The following ASIC2 variants were observed in gnomAD, a reference collection of about 807,000 sequenced individuals.
ASIC2 encodes the protein acid sensing ion channel subunit 2.
ASIC2 carries 25 observed loss-of-function variants against 57.3 expected under a neutral mutation model. The ratio of observed to expected loss-of-function variants is 0.44; its 90% CI spans 0.32 to 0.61. The LOEUF (loss-of-function observed/expected upper bound fraction) is 0.61, where lower values mean the gene tolerates loss of function less well. Among genes scored for constraint, ASIC2 ranks in the 20% least tolerant of loss-of-function variants. The pLI is 0.06. For missense variants in ASIC2, 641 were observed against 738.1 expected, an observed-to-expected ratio of 0.87 and a Z score of 1.52; for synonymous variants, 319 against 307.5, an observed-to-expected ratio of 1.04 and a Z score of -0.39.
chr17:33,603,952 TG>T (rs1905167710), intron 1 of ASIC2, among the ~76,000 whole-genome samples: 1 of 152,104 alleles, frequency 6.6e-6, no homozygotes, highest in Non-Finnish European at 1.5e-5. Context: ...GAGGGTCACG[TG>T]GGAGGTTTTC....
rs545478193 is a variant in ASIC2 at position 33,075,805 on chromosome 17, T to A, written c.987+13058A>T. 2.6e-5 allele frequency among the ~76,000 whole-genome samples: 4 copies of A among 152,230 alleles called. No homozygotes were observed. The East Asian group carries it at 7.7e-4, about 29-fold the overall frequency. On this transcript the variant is annotated intron_variant, in intron 3 of 9. Transcript: ENST00000225823. ...TCAGACACAGAACAAGCAAAAGGCA[T>A]GGAAGTGAAGGACCCATTGTCTTTA...
intron 1 of ASIC2, among the ~76,000 whole-genome samples, chr17:33,377,245 T>C (rs1909312492): frequency 6.6e-6 from 1 of 152,176 alleles, no homozygotes; most frequent in Non-Finnish European, 1.5e-5. Context: ...GAGATGGGGT[T>C]TCACCATGTT....
intron 1 of ASIC2, among the ~76,000 whole-genome samples, chr17:33,350,363 G>A (rs1406990236): frequency 6.6e-6 from 1 of 152,156 alleles, no homozygotes; most frequent in Non-Finnish European, 1.5e-5. Flanking sequence ...GGGCATTTTA[G>A]AGCTTTTCTG....
chr17:33,624,822 GA>G (rs1366944100), intron 1 of ASIC2, among the ~76,000 whole-genome samples: 1 of 152,220 alleles, frequency 6.6e-6, no homozygotes, highest in African/African-American at 2.4e-5. Context: ...AAGTCAAAGG[GA>G]GGTCATTTTC....
intron 1 of ASIC2, chr17:33,816,634 G>C (rs998517957): frequency 6.6e-6 from 1 of 152,136 alleles, no homozygotes; most frequent in African/African-American, 2.4e-5. Context: ...TCTGAGGGTG[G>C]TATTTCACTT....
chr17:33,024,141 G>T, intron 5 of ASIC2, 127 bp from the exon 6 acceptor site: 1 of 1,275,010 alleles, frequency 7.8e-7, no homozygotes, highest in Non-Finnish European at 1.1e-6. Flanking sequence ...GAAAGTGAGG[G>T]GCAGGGATTG....
chr17:33,126,301 T>C (rs1374593216), intron 1 of ASIC2, among the ~76,000 whole-genome samples: 1 of 152,210 alleles, frequency 6.6e-6, no homozygotes, highest in South Asian at 2.1e-4. Flanking sequence ...CAGTTACTTG[T>C]TTTCTCTGAC....
chr17:33,259,812 C>A (rs1027053023), intron 1 of ASIC2, among the ~76,000 whole-genome samples: 1 of 152,152 alleles, frequency 6.6e-6, no homozygotes, highest in Non-Finnish European at 1.5e-5. Context: ...ATACTGTTGG[C>A]TCACAGATGC....
At chr17:33,995,764 CTT>C (rs1339558294) in intron 1 of ASIC2, among the ~76,000 whole-genome samples, 1 of 152,222 alleles carries the variant, frequency 6.6e-6, no homozygotes, top group East Asian at 1.9e-4. Flanking sequence ...TTGATGGACA[CTT>C]AGGTTGGTTT....
At chr17:34,094,871 T>C (rs918486482) in intron 1 of ASIC2, among the ~76,000 whole-genome samples, 1 of 152,216 alleles carries the variant, frequency 6.6e-6, no homozygotes, top group Non-Finnish European at 1.5e-5. Context: ...ATAAAGTCCC[T>C]CCTTTTGAGA....
intron 1 of ASIC2, chr17:33,689,209 T>G (rs1567689478): frequency 6.6e-6 from 1 of 152,208 alleles, no homozygotes; most frequent in Admixed American, 6.6e-5. Flanking sequence ...CCTTAGATAA[T>G]GGACTGTAGC....
At chr17:33,033,436 G>A (rs1197318910) in intron 3 of ASIC2, among the ~76,000 whole-genome samples, 1 of 152,192 alleles carries the variant, frequency 6.6e-6, no homozygotes, top group Non-Finnish European at 1.5e-5. Flanking sequence ...GGACAAGTGG[G>A]AGCCCTGCCC....
intron 1 of ASIC2, among the ~76,000 whole-genome samples, chr17:33,721,554 A>C (rs936335207): frequency 6.6e-6 from 1 of 152,246 alleles, no homozygotes; most frequent in Non-Finnish European, 1.5e-5. Context: ...TACAATGAAC[A>C]GAACTCCCCT....
intron 1 of ASIC2, among the ~76,000 whole-genome samples, chr17:33,223,657 T>C (rs11869680): frequency 2.0e-5 from 3 of 152,124 alleles, no homozygotes; most frequent in Non-Finnish European, 4.4e-5. Context: ...TTTCCTTATA[T>C]AATATTTGGT....
intron 1 of ASIC2, chr17:34,155,893 A>G: frequency 6.8e-7 from 1 of 1,472,246 alleles, no homozygotes; most frequent in Admixed American, 2.2e-5. Context: ...CCAAAGCACA[A>G]GGAAACCCCA....
chr17:33,588,378 T>C (rs1433600622), intron 1 of ASIC2, among the ~76,000 whole-genome samples: 1 of 152,206 alleles, frequency 6.6e-6, no homozygotes, highest in Non-Finnish European at 1.5e-5. Flanking sequence ...CCCTCATCTG[T>C]TTGATGAAAG....
chr17:33,510,469 C>A (rs1342954135), intron 1 of ASIC2, among the ~76,000 whole-genome samples: 1 of 151,734 alleles, frequency 6.6e-6, no homozygotes, highest in Non-Finnish European at 1.5e-5. Flanking sequence ...TATAGTGAGA[C>A]CCCATCTCTA....
At chr17:33,124,730 C>G (rs1324657712) in intron 1 of ASIC2, among the ~76,000 whole-genome samples, 1 of 152,164 alleles carries the variant, frequency 6.6e-6, no homozygotes, top group African/African-American at 2.4e-5. Context: ...CGGGATGATT[C>G]AAGCACATGA....
At position 33,255,503 on chromosome 17, in the gene ASIC2, G is replaced by A. The variant is rs182214792; in HGVS notation, c.708+35905C>T. Among the ~76,000 whole-genome samples the A allele has an allele frequency of 2.1e-3, 314 of 151,230 alleles. 2 individuals are homozygous for A. The highest frequency in any genetic ancestry group is 6.8e-3 in the African/African-American group (278 of 41,134). ...AAAACACACAAACAGGTGACTATAT[G>A]CTTACATATGTGTGCGTCAACAAGG... On this transcript the variant is annotated intron_variant, in intron 1 of 9. Transcript: ENST00000225823.
Sources: gnomAD v4.1 joint callset for allele counts (sites outside exome capture counted in the v4.1 genomes callset) on GRCh38, gnomAD v4.1.1 for gene constraint, MANE v1.5 for transcripts, NCBI Gene and HGNC (gene_info 2026-07-23, HGNC 2026-07-21) for gene names.